PBX3: variants seen among roughly 807,000 people sequenced by gnomAD.
PBX3 encodes pre-B-cell leukemia transcription factor 3.
A neutral mutation model predicts 48.5 loss-of-function variants in PBX3; 14 were observed. The ratio of observed to expected loss-of-function variants is 0.29; its 90% CI spans 0.19 to 0.45. The LOEUF (loss-of-function observed/expected upper bound fraction) is 0.45, where lower values mean the gene tolerates loss of function less well. Ranked by LOEUF, PBX3 falls within the 20% of genes least tolerant of loss-of-function variation. PBX3 has a pLI of 1.00. For missense variants in PBX3, 386 were observed against 546.7 expected (o/e 0.71, Z 2.93); for synonymous variants, 210 against 200.3 (o/e 1.05, Z -0.41).
chr9:125,846,321 T>C (rs563788331), intron 2 of PBX3, among the ~76,000 whole-genome samples: 1 of 152,022 alleles, frequency 6.6e-6, no homozygotes, highest in East Asian at 1.9e-4. Flanking sequence ...TTGCTGGGAG[T>C]TAAGTTTATT....
chr9:125,747,879 C>T (rs1252826510), intron 1 of PBX3, among the ~76,000 whole-genome samples: 2 of 151,764 alleles, frequency 1.3e-5, no homozygotes, highest in Non-Finnish European at 1.5e-5. Context: ...CTCGGTGCGG[C>T]GCGGATTCCG....
chr9:125,908,648 T>C (rs978219379), intron 2 of PBX3, among the ~76,000 whole-genome samples: 9 of 152,008 alleles, frequency 5.9e-5, no homozygotes, highest in Non-Finnish European at 1.3e-4. Flanking sequence ...GATAAACACA[T>C]AGAGTAGCTG....
intron 1 of PBX3, 134 bp downstream of exon 1, chr9:125,747,787 C>G: frequency 4.8e-6 from 3 of 624,558 alleles, no homozygotes; most frequent in Non-Finnish European, 7.6e-6. Flanking sequence ...GCCGGCCGCC[C>G]GCCCCGGCCT....
At chr9:125,906,749 C>G (rs1293965075) in intron 2 of PBX3, among the ~76,000 whole-genome samples, 1 of 151,916 alleles carries the variant, frequency 6.6e-6, no homozygotes, top group Non-Finnish European at 1.5e-5. Flanking sequence ...GTGTATGGTA[C>G]TATAGATATA....
intron 2 of PBX3, among the ~76,000 whole-genome samples, chr9:125,882,353 G>T (rs1472885925): frequency 1.4e-5 from 2 of 142,448 alleles, no homozygotes; most frequent in African/African-American, 2.5e-5. Context: ...AGAAAGACTT[G>T]TGTCTCAAAT....
intron 2 of PBX3, among the ~76,000 whole-genome samples, chr9:125,816,863 C>T (rs1263772771): frequency 6.6e-6 from 1 of 152,102 alleles, no homozygotes; most frequent in Non-Finnish European, 1.5e-5. Context: ...TCTTTTTATC[C>T]TTTACCAGTT....
At chr9:125,765,582 G>T (rs1564643380) in intron 2 of PBX3, among the ~76,000 whole-genome samples, 1 of 151,754 alleles carries the variant, frequency 6.6e-6, no homozygotes, top group East Asian at 1.9e-4. Flanking sequence ...AATACTACCT[G>T]TTTTTTTTCT....
intron 3 of PBX3, among the ~76,000 whole-genome samples, chr9:125,919,359 A>ATT (rs34891465): frequency 0.035 from 3,573 of 102,826 alleles, 171 homozygotes; most frequent in African/African-American, 0.13. Flanking sequence ...TGCCCGTCTA[A>ATT]TTTTTTTTTT....
chr9:125,866,139 T>G (rs936156516), intron 2 of PBX3, among the ~76,000 whole-genome samples: 3 of 152,184 alleles, frequency 2.0e-5, no homozygotes, highest in African/African-American at 7.2e-5. Context: ...ACATATATAT[T>G]AATTTTCAAA....
At chr9:125,826,210 C>T (rs980449850) in intron 2 of PBX3, among the ~76,000 whole-genome samples, 1 of 152,088 alleles carries the variant, frequency 6.6e-6, no homozygotes, top group Non-Finnish European at 1.5e-5. Flanking sequence ...CCTGTTTTAA[C>T]ATTTTTCATG....
At chr9:125,880,724 G>A (rs762956991) in intron 2 of PBX3, among the ~76,000 whole-genome samples, 13 of 151,864 alleles carry the variant, frequency 8.6e-5, no homozygotes, top group Non-Finnish European at 1.5e-4. Context: ...AAAATCAAAC[G>A]GTTATCTTTT....
chr9:125,950,892 A>G (rs983749705), intron 5 of PBX3, among the ~76,000 whole-genome samples: 2 of 152,242 alleles, frequency 1.3e-5, no homozygotes, highest in African/African-American at 4.8e-5. Context: ...AAGGTAGAAT[A>G]TAGGTTTGTA....
chr9:125,801,432 G>C (rs557137949), intron 2 of PBX3, among the ~76,000 whole-genome samples: 1 of 151,916 alleles, frequency 6.6e-6, no homozygotes, highest in Non-Finnish European at 1.5e-5. Flanking sequence ...ATGGAGCTTT[G>C]GGAATGACTG....
intron 2 of PBX3, among the ~76,000 whole-genome samples, chr9:125,886,959 T>C (rs745894553): frequency 2.2e-4 from 34 of 152,170 alleles, no homozygotes; most frequent in Admixed American, 1.4e-3. Context: ...ATAAAAGTTT[T>C]TAATTTTTTT....
At chr9:125,893,483 A>G (rs1447819303) in intron 2 of PBX3, among the ~76,000 whole-genome samples, 2 of 152,220 alleles carry the variant, frequency 1.3e-5, no homozygotes, top group African/African-American at 4.8e-5. Flanking sequence ...CTGGAAATCT[A>G]TCCAGTGGCT....
intron 7 of PBX3, among the ~76,000 whole-genome samples, chr9:125,962,474 T>G (rs1027181975): frequency 2.0e-5 from 3 of 152,186 alleles, no homozygotes; most frequent in Non-Finnish European, 4.4e-5. Flanking sequence ...TGCATCTTAC[T>G]TTTGTCACAA....
intron 2 of PBX3, among the ~76,000 whole-genome samples, chr9:125,823,656 A>G (rs1191628757): frequency 6.6e-6 from 1 of 152,158 alleles, no homozygotes; most frequent in Non-Finnish European, 1.5e-5. Context: ...GAAAGAAAGA[A>G]AGATTAAAAA....
chr9:125,964,544 G>A (rs1016740438), intron 8 of PBX3, among the ~76,000 whole-genome samples: 7 of 138,600 alleles, frequency 5.1e-5, no homozygotes, highest in Admixed American at 1.4e-4. Flanking sequence ...GTTTCCTTTT[G>A]TTTTTCCTAA....
intron 2 of PBX3, among the ~76,000 whole-genome samples, chr9:125,780,697 A>G (rs867062039): frequency 1.0e-3 from 45 of 44,320 alleles, no homozygotes; most frequent in East Asian, 2.8e-3. Context: ...GGGGCTGACC[A>G]CCCCCACCTC....
Sources: allele counts gnomAD v4.1 joint callset (sites outside exome capture counted in the v4.1 genomes callset), GRCh38; gene constraint gnomAD v4.1.1; transcripts MANE v1.5; gene names NCBI Gene and HGNC (gene_info 2026-07-23, HGNC 2026-07-21).